Variants in CAMTA1 observed in about 807,000 individuals in gnomAD.
CAMTA1 encodes calmodulin-binding transcription activator 1.
CAMTA1 carries 27 observed loss-of-function variants against 170.9 expected under a neutral mutation model. The observed-to-expected ratio is 0.16, with a 90% confidence interval of 0.12 to 0.22. CAMTA1 has a LOEUF of 0.22. CAMTA1 is among the 10% of genes least tolerant of loss of function. CAMTA1 has a pLI of 1.00. For missense variants in CAMTA1, 1,619 were observed against 2,217.2 expected (o/e 0.73, Z 5.42); for synonymous variants, 833 against 891.5 (o/e 0.93, Z 1.17).
At chr1:7,055,003 G>A (rs1246214670) in intron 3 of CAMTA1, among the ~76,000 whole-genome samples, 1 of 151,970 alleles carries the variant, frequency 6.6e-6, no homozygotes, top group Non-Finnish European at 1.5e-5. Context: ...AGAGTGGGGA[G>A]GTGCCACACA....
At chr1:7,600,772 CAT>C (rs987954928) in intron 6 of CAMTA1, among the ~76,000 whole-genome samples, 30 of 151,962 alleles carry the variant, frequency 2.0e-4, no homozygotes, top group African/African-American at 7.3e-4. Flanking sequence ...GGACACAGCA[CAT>C]GTTTCAGAGA....
In CAMTA1 at chr1:7,661,631, G is replaced by C. The variant is rs2095958436; in HGVS notation, c.665-95G>C. On this transcript the variant is annotated intron_variant, in intron 7 of 22. Transcript: ENST00000303635. Reference sequence around the variant, plus strand: ...CCAGCTCCCCAGCAGTGAGAGGGCTGCCCTCAGGGAGGGCCTGGGTCCTAC... The same window carrying C: ...CCAGCTCCCCAGCAGTGAGAGGGCTCCCCTCAGGGAGGGCCTGGGTCCTAC... 2.9e-6 allele frequency: 4 copies of C among 1,394,290 alleles called. No homozygotes were observed. In the Admixed American group the frequency reaches 7.7e-5, roughly 27 times the overall value. The allele number at this position is 1,394,290 out of a possible 1,614,324, so 86.4% of individuals were successfully genotyped here.
rs558652376 is a variant in CAMTA1 at position 7,452,770 on chromosome 1, C to T, written c.439-15060C>T. On this transcript the variant is annotated intron_variant, in intron 5 of 22. Coordinates refer to ENST00000303635, the MANE Select transcript of CAMTA1 (RefSeq NM_015215.4). ...CACATTTGCTTACCTCTTCCTCTGCCGATGGGCATGTAGGCTGTTCCTGCC... is the reference window on the plus strand; with the variant it reads ...CACATTTGCTTACCTCTTCCTCTGCTGATGGGCATGTAGGCTGTTCCTGCC... Among the ~76,000 whole-genome samples, 23 of 152,318 alleles carry T rather than the reference C, an allele frequency of 1.5e-4. No individual in the cohort carries two copies. In the South Asian group the frequency reaches 4.4e-3, roughly 29 times the overall value.
intron 6 of CAMTA1, among the ~76,000 whole-genome samples, chr1:7,550,235 G>A (rs72865453): frequency 0.033 from 4,992 of 152,224 alleles, 268 homozygotes; most frequent in African/African-American, 0.11. Context: ...AGCTGATACA[G>A]AGGGTTAATG....
chr1:7,109,784 G>C (rs1643901812), intron 4 of CAMTA1, among the ~76,000 whole-genome samples: 1 of 152,214 alleles, frequency 6.6e-6, no homozygotes, highest in African/African-American at 2.4e-5. Context: ...TTTGAGGACT[G>C]GGGGTCCTTG....
intron 11 of CAMTA1, among the ~76,000 whole-genome samples, chr1:7,689,924 G>A (rs2096292018): frequency 6.6e-6 from 1 of 152,158 alleles, no homozygotes; most frequent in Non-Finnish European, 1.5e-5. Context: ...TTGGGAGGCC[G>A]AGTTGGGCGT....
rs1311995393 is a variant in CAMTA1 at position 7,195,654 on chromosome 1, G to A, written c.303-53837G>A. Reference sequence around the variant, plus strand: ...TCCTGAGACCACTCTGACCCCATGAGGAGGTTGGCTTGTGAGTGCTTATAT... The same window carrying A: ...TCCTGAGACCACTCTGACCCCATGAAGAGGTTGGCTTGTGAGTGCTTATAT... On this transcript the variant is annotated intron_variant, in intron 4 of 22. Transcript: ENST00000303635. The surrounding 1 kb of genome is among the most constrained non-coding windows in gnomAD (Gnocchi z 4.1). Among the ~76,000 whole-genome samples, 1 of 152,210 alleles carries A rather than the reference G, an allele frequency of 6.6e-6. No homozygotes were observed. The highest frequency in any genetic ancestry group is 2.4e-5 in the African/African-American group (1 of 41,452).
intron 3 of CAMTA1, among the ~76,000 whole-genome samples, chr1:6,937,186 A>G (rs1215009639): frequency 2.0e-5 from 3 of 150,386 alleles, no homozygotes; most frequent in African/African-American, 7.4e-5. Context: ...CATCACTGTC[A>G]TCACCATAAT....
rs1672318000 is a variant in CAMTA1 at position 7,286,164 on chromosome 1, G to A, written c.438+36538G>A. On this transcript the variant is annotated intron_variant, in intron 5 of 22. Transcript: ENST00000303635. The surrounding 1 kb of genome is among the most constrained non-coding windows in gnomAD (Gnocchi z 4.2). ...TGAGGGGATGAGTGAGCCTGCTGGT[G>A]GGGGGCAGAGAGGAAAGACCTCACA... Among the ~76,000 whole-genome samples the A allele has an allele frequency of 6.6e-6, 1 of 152,124 alleles. No homozygotes were observed. The highest frequency in any genetic ancestry group is 2.1e-4 in the South Asian group (1 of 4,822).
At chr1:7,380,013 T>C (rs780816374) in intron 5 of CAMTA1, among the ~76,000 whole-genome samples, 5 of 152,246 alleles carry the variant, frequency 3.3e-5, no homozygotes, top group Admixed American at 6.5e-5. Context: ...TAATGGCAAT[T>C]TAATTAATTG....
At chr1:7,542,839 G>GTC (rs200299440) in intron 6 of CAMTA1, among the ~76,000 whole-genome samples, 2 of 129,776 alleles carry the variant, frequency 1.5e-5, no homozygotes, top group Admixed American at 7.4e-5. Flanking sequence ...CTAAAACACA[G>GTC]TGTGTGTGTG....
intron 4 of CAMTA1, among the ~76,000 whole-genome samples, chr1:7,159,847 C>A (rs1310580082): frequency 1.3e-5 from 2 of 152,234 alleles, no homozygotes; most frequent in African/African-American, 4.8e-5. Flanking sequence ...CCACCCCTGG[C>A]CTTCTGGACA....
intron 5 of CAMTA1, among the ~76,000 whole-genome samples, chr1:7,264,118 C>T (rs1668558815): frequency 6.6e-6 from 1 of 152,158 alleles, no homozygotes; most frequent in South Asian, 2.1e-4. Flanking sequence ...CTGGATGCTC[C>T]TGCAAAGGAC....
chr1:7,387,833 A>C (rs1371413167), intron 5 of CAMTA1, among the ~76,000 whole-genome samples: 1 of 152,248 alleles, frequency 6.6e-6, no homozygotes, highest in African/African-American at 2.4e-5. Flanking sequence ...TCTTCTTGCC[A>C]CATTGTCTGC....
At chr1:7,212,138 C>T (rs1253956833) in intron 4 of CAMTA1, among the ~76,000 whole-genome samples, 1 of 152,174 alleles carries the variant, frequency 6.6e-6, no homozygotes, top group Non-Finnish European at 1.5e-5. Flanking sequence ...GGCATATAAT[C>T]AAAATACTGT....
intron 1 of CAMTA1, among the ~76,000 whole-genome samples, chr1:6,800,992 T>C (rs1467614728): frequency 3.3e-5 from 5 of 152,268 alleles, no homozygotes; most frequent in African/African-American, 4.8e-5. Flanking sequence ...TGAAAGTTTC[T>C]TCCTCATTTG....
intron 1 of CAMTA1, among the ~76,000 whole-genome samples, chr1:6,798,104 C>G (rs1642973694): frequency 1.3e-5 from 2 of 151,038 alleles, no homozygotes; most frequent in Non-Finnish European, 2.9e-5. Context: ...TCAAGCGATT[C>G]TCCTGCCTCG....
At chr1:6,805,534 C>T (rs931474804) in intron 1 of CAMTA1, among the ~76,000 whole-genome samples, 3 of 152,138 alleles carry the variant, frequency 2.0e-5, no homozygotes, top group Admixed American at 1.3e-4. Flanking sequence ...GAGAGAGGGT[C>T]TCATTCTGTC....
chr1:7,395,412 C>T (rs2089215823), intron 5 of CAMTA1, among the ~76,000 whole-genome samples: 1 of 152,106 alleles, frequency 6.6e-6, no homozygotes, highest in South Asian at 2.1e-4. Flanking sequence ...GTTCTCTATT[C>T]TGTTCCATTC....
Sources: gnomAD v4.1 joint callset for allele counts (sites outside exome capture counted in the v4.1 genomes callset) on GRCh38, gnomAD v4.1.1 for gene constraint, Gnocchi (gnomAD v3.1) non-coding constraint, MANE v1.5 for transcripts, NCBI Gene and HGNC (gene_info 2026-07-23, HGNC 2026-07-21) for gene names.